Variants in PHLPP2 observed in about 807,000 individuals in gnomAD.
The protein encoded by PHLPP2 is PH domain and leucine rich repeat protein phosphatase 2.
PHLPP2 carries 66 observed loss-of-function variants against 124.9 expected under a neutral mutation model. That is an observed-to-expected ratio of 0.53 (90% CI 0.43 to 0.65). PHLPP2 has a LOEUF of 0.65. Ranked by LOEUF, PHLPP2 falls within the 30% of genes least tolerant of loss-of-function variation. The pLI, the probability that PHLPP2 is intolerant of heterozygous loss-of-function variation, is 0.00. For missense variants in PHLPP2, 1,685 were observed against 1,600.4 expected, an observed-to-expected ratio of 1.05 and a Z score of -0.90; for synonymous variants, 681 against 624.7, an observed-to-expected ratio of 1.09 and a Z score of -1.34.
chr16:71,688,080 G>T (rs1366706530), intron 4 of PHLPP2, among the ~76,000 whole-genome samples: 1 of 152,158 alleles, frequency 6.6e-6, no homozygotes, highest in Non-Finnish European at 1.5e-5. Context: ...GTCATCGTAT[G>T]ACTGCTCCAC....
chr16:71,723,763 C>G, intron 1 of PHLPP2: 1 of 1,314,774 alleles, frequency 7.6e-7, no homozygotes, highest in African/African-American at 1.5e-5. Flanking sequence ...CCATCCGCCT[C>G]CTCACCTTCA....
In PHLPP2 at chr16:71,646,506, G is replaced by A. The variant is rs1236236775; in HGVS notation, c.*2384C>T. On this transcript the variant is annotated 3_prime_UTR_variant, in exon 19 of 19. Transcript: ENST00000568954. ...GAGGTGGTTCCAATAAGTAGGTTGGGAAACGAATAGCAGACAAGAAGGGTT... is the reference window on the plus strand; with the variant it reads ...GAGGTGGTTCCAATAAGTAGGTTGGAAAACGAATAGCAGACAAGAAGGGTT... 2 of 152,092 alleles carry A rather than the reference G, an allele frequency of 1.3e-5. No individual in the cohort carries two copies. The highest frequency in any genetic ancestry group is 4.8e-5 in the African/African-American group (2 of 41,406). 9.4% of individuals were successfully genotyped at this position (152,092 alleles called of 1,614,324 possible). A position where few individuals can be genotyped will look rare whatever the true frequency, so the allele number is the denominator to read the frequency against.
rs796620489 is a variant in PHLPP2 at position 71,661,301 on chromosome 16, T to G, written c.1986-2486A>C. Among the ~76,000 whole-genome samples the G allele has an allele frequency of 4.6e-5, 7 of 151,978 alleles. 1 individual carries two copies. Among genetic ancestry groups the G allele is most frequent in the African/African-American group, 1.7e-4 (7 of 41,452 alleles). ...GCCCAGGCTGGTCTTAAACTCCTGA[T>G]CTCACGTGATCCACCCAACTCAGCT... On this transcript the variant is annotated intron_variant, in intron 13 of 18. Transcript: ENST00000568954.
chr16:71,678,499 G>A, intron 8 of PHLPP2: 7 of 394,134 alleles, frequency 1.8e-5, no homozygotes, highest in Admixed American at 4.2e-5. Flanking sequence ...AATTAGCCAG[G>A]CCTCGTGGTG....
rs748202550 is a variant in PHLPP2 at position 71,650,010 on chromosome 16, C to T, written c.2852G>A (p.Arg951Gln). Reference protein sequence around the residue: ...NKVNGVTCCTRMLGCTYLYPW... With the variant: ...NKVNGVTCCTQMLGCTYLYPW... ...GTAGAGGTATGTACAGCCCAGCATC[C>T]GGGTACAGCAGGTTACCCCATTCAC... The change falls in exon 19 of 19, where the codon CGG (arginine) becomes CAG (glutamine). Residue 951 changes from arginine (R) to glutamine (Q), a missense_variant. Arg to Gln is a conservative substitution (Grantham distance 43). Coordinates refer to ENST00000568954, the MANE Select transcript of PHLPP2 (RefSeq NM_015020.3). 54 of 1,611,054 alleles carry T rather than the reference C, an allele frequency of 3.4e-5. No homozygotes were observed. The highest frequency in any genetic ancestry group is 5.0e-5 in the Admixed American group (3 of 60,004).
chr16:71,691,460 CAAATAAATAAATAAATAAATAAATAAAT>C (rs57388026), intron 3 of PHLPP2, among the ~76,000 whole-genome samples: 57 of 139,508 alleles, frequency 4.1e-4, no homozygotes, highest in African/African-American at 1.3e-3. Flanking sequence ...GACGCTGTCT[CAAATAAATAAATAAATAAATAAATAAAT>C]AAATAAATAA....
rs753116987 is a variant in PHLPP2, at chr16:71,676,598, G to A, written c.1320C>T (p.His440=). The A allele has an allele frequency of 6.8e-6, 11 of 1,613,942 alleles. No homozygotes were observed. The highest frequency in any genetic ancestry group is 1.7e-5 in the Admixed American group (1 of 60,028). Residue 440 remains histidine, a synonymous_variant, in exon 9 of 19, where the codon CAC becomes CAT. Coordinates refer to ENST00000568954, the MANE Select transcript of PHLPP2 (RefSeq NM_015020.3). The part of the protein sequence containing the change: ...MVIENLEGNK[H]ITHVDLRDNR... Reference sequence around the variant, plus strand: ...TGTCCCGCAGATCCACGTGGGTGATGTGTTTATTTCCCTCCAGATTTTCAA... The same window carrying A: ...TGTCCCGCAGATCCACGTGGGTGATATGTTTATTTCCCTCCAGATTTTCAA...
chr16:71,724,221 G>C (rs1189591643), intron 1 of PHLPP2, 108 bp downstream of exon 1: 1 of 152,244 alleles, frequency 6.6e-6, no homozygotes, highest in Non-Finnish European at 1.5e-5. Flanking sequence ...AAAGAAGCAG[G>C]TGGCGCCGGC....
chr16:71,717,569 C>T (rs1175281001), intron 1 of PHLPP2, among the ~76,000 whole-genome samples: 1 of 152,078 alleles, frequency 6.6e-6, no homozygotes, highest in African/African-American at 2.4e-5. Flanking sequence ...AACATAGGGA[C>T]CATCGTATTT....
Position 71,652,845 on chromosome 16 carries a change from T to C in PHLPP2, c.2762A>G (p.Glu921Gly). 1.2e-6 allele frequency: 2 copies of C among 1,614,182 alleles called. No individual in the cohort carries two copies. The highest frequency in any genetic ancestry group is 1.7e-6 in the Non-Finnish European group (2 of 1,180,032). ...PVPLSKVFSLEQDPEEAQRVK... is the reference protein window; with the variant it reads ...PVPLSKVFSLGQDPEEAQRVK... Reference sequence around the variant, plus strand: ...CCTTTGAGCCTCCTCTGGGTCCTGCTCCAGGCTGAAGACTTTAGAGAGGGG... The same window carrying C: ...CCTTTGAGCCTCCTCTGGGTCCTGCCCCAGGCTGAAGACTTTAGAGAGGGG... The change falls in exon 18 of 19, where the codon GAG becomes GGG. Residue 921 changes from glutamate to glycine, a missense_variant. By Grantham distance (98) the Glu-to-Gly change is moderately conservative. Transcript: ENST00000568954.
chr16:71,689,445 T>G (rs2045087016), intron 4 of PHLPP2, among the ~76,000 whole-genome samples: 1 of 136,758 alleles, frequency 7.3e-6, no homozygotes. Context: ...CAGGCTGGGG[T>G]GCAATGGCAT....
At chr16:71,663,825 T>C in intron 13 of PHLPP2, 74 bp downstream of exon 13, 1 of 1,123,796 alleles carries the variant, frequency 8.9e-7, no homozygotes, top group Non-Finnish European at 1.3e-6. Context: ...CATAGTCAGA[T>C]GGCTATATTT....
chr16:71,721,371 C>T (rs991736534), intron 1 of PHLPP2, among the ~76,000 whole-genome samples: 3 of 152,074 alleles, frequency 2.0e-5, no homozygotes, highest in Admixed American at 6.5e-5. Flanking sequence ...AATTCCAGTG[C>T]TTTCGGAGCC....
In PHLPP2 at chr16:71,667,348, T is replaced by TACAA. The variant is rs775247823; in HGVS notation, c.1629-19_1629-16dup. Reference sequence around the variant, plus strand: ...TACTCAGAATTCTAAGGGGGGAGCATACAAACAAACACATTAAAAACTTAC... The same window carrying TACAA: ...TACTCAGAATTCTAAGGGGGGAGCATACAAACAAACAAACACATTAAAAACTTAC... On this transcript the variant is annotated splice_polypyrimidine_tract_variant and intron_variant, in intron 11 of 18. Transcript: ENST00000568954. The TACAA allele has an allele frequency of 1.9e-6, 3 of 1,598,108 alleles. No homozygotes were observed. In the African/African-American group the frequency reaches 4.0e-5, roughly 21 times the overall value.
intron 2 of PHLPP2, among the ~76,000 whole-genome samples, chr16:71,707,647 T>C (rs915397871): frequency 2.0e-5 from 3 of 152,164 alleles, no homozygotes; most frequent in Non-Finnish European, 4.4e-5. Flanking sequence ...CTGTTCGATA[T>C]GGTAGGAGGG....
chr16:71,699,722 C>A (rs185075176), intron 3 of PHLPP2, among the ~76,000 whole-genome samples: 2 of 152,282 alleles, frequency 1.3e-5, no homozygotes, highest in African/African-American at 4.8e-5. Flanking sequence ...GCAAAGGGAC[C>A]ACTGACCTGG....
chr16:71,709,348 T>C lies in PHLPP2; in HGVS notation c.284+5164A>G, dbSNP rs2045308626. 2.6e-5 allele frequency among the ~76,000 whole-genome samples: 4 copies of C among 152,174 alleles called. No individual in the cohort carries two copies. The South Asian group carries it at 8.3e-4, about 32-fold the overall frequency. ...ATCCCAAGGGTGCTATTTTCTGTTA[T>C]ACACACCCTATTGGTTCTAAACTAA... is the stretch of plus-strand genomic sequence containing the variant. On this transcript the variant is annotated intron_variant, in intron 2 of 18. Transcript: ENST00000568954.
chr16:71,720,780 C>T (rs2045393418), intron 1 of PHLPP2, among the ~76,000 whole-genome samples: 2 of 151,494 alleles, frequency 1.3e-5, no homozygotes. Flanking sequence ...AGGAGAATCG[C>T]TTGAACCCGG....
At chr16:71,690,415 T>C in intron 4 of PHLPP2, 104 bp downstream of exon 4, 1 of 814,316 alleles carries the variant, frequency 1.2e-6, no homozygotes, top group South Asian at 1.7e-5. Flanking sequence ...ATGCCCATAC[T>C]GGCTTCTTTG....
Sources: gnomAD v4.1 joint callset for allele counts (sites outside exome capture counted in the v4.1 genomes callset) on GRCh38, gnomAD v4.1.1 for gene constraint, MANE v1.5 for transcripts, NCBI Gene and HGNC (gene_info 2026-07-23, HGNC 2026-07-21) for gene names.